LBH: variants seen among roughly 807,000 people sequenced by gnomAD.
LBH encodes LBH regulator of Wnt signaling pathway.
LBH carries 7 observed loss-of-function variants against 12.5 expected under a neutral mutation model. The ratio of observed to expected loss-of-function variants is 0.56; its 90% CI spans 0.32 to 1.05. The LOEUF (loss-of-function observed/expected upper bound fraction) is 1.05, where lower values mean the gene tolerates loss of function less well. LBH is among the 50% of genes least tolerant of loss of function. The pLI, the probability that LBH is intolerant of heterozygous loss-of-function variation, is 0.04. For missense variants in LBH, 119 were observed against 138.9 expected, an observed-to-expected ratio of 0.86 and a Z score of 0.72; for synonymous variants, 51 against 50.1, an observed-to-expected ratio of 1.02 and a Z score of -0.08.
intron 2 of LBH, among the ~76,000 whole-genome samples, chr2:30,239,450 C>T (rs867322081): frequency 2.6e-5 from 4 of 152,332 alleles, no homozygotes; most frequent in Middle Eastern, 6.8e-3. Flanking sequence ...CCCCACATGT[C>T]CTCAAGAGTT....
chr2:30,250,703 C>T (rs1572382702), intron 2 of LBH, among the ~76,000 whole-genome samples: 1 of 151,938 alleles, frequency 6.6e-6, no homozygotes, highest in South Asian at 2.1e-4. Flanking sequence ...AGTTCCCCTC[C>T]AAGGGTGAAA....
Position 30,259,046 on chromosome 2 carries a change from A to G in LBH, c.*1425A>G, listed in dbSNP as rs1364905190. On this transcript the variant is annotated 3_prime_UTR_variant, in exon 3 of 3. Transcript: ENST00000395323. The stretch of plus-strand genomic sequence containing the variant: ...CAGCAGGTTGCAGGACAAATGCTTC[A>G]GTCCGCCGAGAGCAGTACCGTGTGG... 4 of 152,530 alleles carry G rather than the reference A, an allele frequency of 2.6e-5. No homozygotes were observed. Among genetic ancestry groups the G allele is most frequent in the Admixed American group, 2.6e-4 (4 of 15,268 alleles). 9.4% of individuals were successfully genotyped at this position (152,530 alleles called of 1,614,324 possible). A position where few individuals can be genotyped will look rare whatever the true frequency, so the allele number is the denominator to read the frequency against.
intron 2 of LBH, among the ~76,000 whole-genome samples, chr2:30,245,482 G>C (rs6736034): frequency 0.33 from 50,477 of 152,008 alleles, 9,019 homozygotes; most frequent in Middle Eastern, 0.44. Context: ...GGCACTGTAG[G>C]TCCTCAGAGG....
At chr2:30,246,804 ACTCCCTCCCTCC>A (rs140062761) in intron 2 of LBH, among the ~76,000 whole-genome samples, 1 of 122,490 alleles carries the variant, frequency 8.2e-6, no homozygotes, top group South Asian at 2.7e-4. Context: ...TTCCTCACTC[ACTCCCTCCCTCC>A]CTCCCTCCCT....
chr2:30,234,388 T>A lies in LBH; in HGVS notation c.27-17T>A. On this transcript the variant is annotated splice_polypyrimidine_tract_variant and intron_variant, in intron 1 of 2. Coordinates refer to ENST00000395323, the MANE Select transcript of LBH (RefSeq NM_030915.4). ...AGCGCGTGTGTTTGTTGACTTTTGG[T>A]CTGGGTTTCTTGGCAGCCCCGACTA... 1 of 1,606,022 alleles carries A rather than the reference T, an allele frequency of 6.2e-7. No individual in the cohort carries two copies. The highest frequency in any genetic ancestry group is 8.5e-7 in the Non-Finnish European group (1 of 1,172,690).
At chr2:30,256,001 T>G (rs1333428644) in intron 2 of LBH, among the ~76,000 whole-genome samples, 1 of 152,120 alleles carries the variant, frequency 6.6e-6, no homozygotes, top group East Asian at 1.9e-4. Context: ...GAGATGGCCA[T>G]GAAGGTGCCA....
At chr2:30,253,382 G>C (rs1678021698) in intron 2 of LBH, among the ~76,000 whole-genome samples, 1 of 152,142 alleles carries the variant, frequency 6.6e-6, no homozygotes, top group African/African-American at 2.4e-5. Flanking sequence ...TGTTTGGAGA[G>C]AGCTACAATT....
intron 2 of LBH, among the ~76,000 whole-genome samples, chr2:30,246,976 C>T (rs1558388604): frequency 6.6e-6 from 1 of 151,936 alleles, no homozygotes; most frequent in Non-Finnish European, 1.5e-5. Context: ...ATATGTGCCA[C>T]CATGCCTGGC....
chr2:30,251,185 G>A (rs1461834966), intron 2 of LBH, among the ~76,000 whole-genome samples: 1 of 151,116 alleles, frequency 6.6e-6, no homozygotes, highest in African/African-American at 2.4e-5. Flanking sequence ...CCCACAAAGT[G>A]CTAGGATTAC....
intron 2 of LBH, among the ~76,000 whole-genome samples, chr2:30,254,782 A>C (rs752722526): frequency 5.9e-5 from 9 of 152,306 alleles, no homozygotes; most frequent in African/African-American, 2.2e-4. Flanking sequence ...CAGAGGGTGG[A>C]GGCAGGGCCA....
intron 2 of LBH, among the ~76,000 whole-genome samples, chr2:30,247,784 A>AT (rs1361422657): frequency 6.6e-6 from 1 of 152,064 alleles, no homozygotes; most frequent in Admixed American, 6.5e-5. Flanking sequence ...AAGGGCATTA[A>AT]TTTTTTTTGT....
chr2:30,245,975 T>C (rs1677863187), intron 2 of LBH, among the ~76,000 whole-genome samples: 1 of 145,402 alleles, frequency 6.9e-6, no homozygotes, highest in Admixed American at 7.2e-5. Context: ...TTTTTTTTTT[T>C]TCCCTTGAGA....
intron 2 of LBH, among the ~76,000 whole-genome samples, chr2:30,241,977 G>C (rs1038052433): frequency 6.6e-6 from 1 of 151,984 alleles, no homozygotes; most frequent in African/African-American, 2.4e-5. Flanking sequence ...TATTCCAAGC[G>C]ATCATTTTTA....
rs1361769048 is a variant in LBH, at chr2:30,247,831, C to T, written c.130-9602C>T. On this transcript the variant is annotated intron_variant, in intron 2 of 2. Coordinates refer to ENST00000395323, the MANE Select transcript of LBH (RefSeq NM_030915.4). ...CGTTTTAATCGTGAGGGTGAGCTGG[C>T]GAACAATTGATGATGCCAAGTATGG... Among the ~76,000 whole-genome samples, 6 of 152,178 alleles carry T rather than the reference C, an allele frequency of 3.9e-5. No homozygotes were observed. The South Asian group carries it at 8.3e-4, about 21-fold the overall frequency.
intron 2 of LBH, among the ~76,000 whole-genome samples, chr2:30,237,908 G>A (rs1311044472): frequency 6.6e-6 from 1 of 152,088 alleles, no homozygotes; most frequent in African/African-American, 2.4e-5. Flanking sequence ...TGTGGGTGGC[G>A]GCCAGCTCAC....
At position 30,258,432 on chromosome 2, in the gene LBH, G is replaced by T. The variant is rs1678124215; in HGVS notation, c.*811G>T. ...TTTTGCTTCCCAGCACTTTTTAGGA[G>T]TAGTGAGAGCACTTCCTGCCCTTGT... On this transcript the variant is annotated 3_prime_UTR_variant, in exon 3 of 3. Transcript: ENST00000395323. 6.6e-6 allele frequency: 1 copy of T among 152,330 alleles called. No individual in the cohort carries two copies. The highest frequency in any genetic ancestry group is 1.5e-5 in the Non-Finnish European group (1 of 68,122). The allele number at this position is 152,330 out of a possible 1,614,324, so 9.4% of individuals were successfully genotyped here.
At chr2:30,245,841 C>G (rs554934215) in intron 2 of LBH, among the ~76,000 whole-genome samples, 1 of 152,258 alleles carries the variant, frequency 6.6e-6, no homozygotes, top group Non-Finnish European at 1.5e-5. Context: ...AAAGCAACAA[C>G]AAAAACCTGT....
At chr2:30,246,480 A>C (rs768904364) in intron 2 of LBH, among the ~76,000 whole-genome samples, 2 of 152,260 alleles carry the variant, frequency 1.3e-5, no homozygotes, top group Non-Finnish European at 2.9e-5. Context: ...AAACTGTTAC[A>C]TGTTAATGTA....
chr2:30,232,084 C>T (rs1677597247), intron 1 of LBH: 1 of 1,529,366 alleles, frequency 6.5e-7, no homozygotes, highest in Admixed American at 2.0e-5. Context: ...ATGCGGAGAG[C>T]TGCAGGAGGC....
Sources: gnomAD v4.1 joint callset for allele counts (sites outside exome capture counted in the v4.1 genomes callset) on GRCh38, gnomAD v4.1.1 for gene constraint, MANE v1.5 for transcripts, NCBI Gene and HGNC (gene_info 2026-07-23, HGNC 2026-07-21) for gene names.